LRRC51: variants seen among roughly 807,000 people sequenced by gnomAD.
LRRC51 encodes leucine rich repeat containing 51, also known as leucine-rich repeat-containing protein 51.
Under a neutral mutation model 17.8 loss-of-function variants are expected in LRRC51, and 8 were observed. The observed-to-expected ratio is 0.45, with a 90% CI of 0.26 to 0.81. The LOEUF (loss-of-function observed/expected upper bound fraction) is 0.81. LRRC51 is among the 30% of genes least tolerant of loss of function. The probability of loss-of-function intolerance (pLI) is 0.17; values close to 1 mark genes in which losing one functional copy is unlikely to be tolerated. For synonymous variants in LRRC51, 92 were observed against 96.0 expected (o/e 0.96, Z 0.24); for missense variants, 233 against 239.3 (o/e 0.97, Z 0.17).
chr11:72,096,777 G>A lies in LRRC51; in HGVS notation c.*1257G>A. Reference sequence around the variant, plus strand: ...GGCCTCCATGACAGGCCAAGAAGATGGCCTATGATCTCTGAAACCAGCCCC... The same window carrying A: ...GGCCTCCATGACAGGCCAAGAAGATAGCCTATGATCTCTGAAACCAGCCCC... On this transcript the variant is annotated 3_prime_UTR_variant, in exon 6 of 6. Coordinates refer to ENST00000289488, the MANE Select transcript of LRRC51 (RefSeq NM_145309.6). 6.9e-7 allele frequency: 1 copy of A among 1,455,556 alleles called. No individual in the cohort carries two copies. The highest frequency in any genetic ancestry group is 1.4e-5 in the South Asian group (1 of 70,282). 90.2% of individuals were successfully genotyped at this position (1,455,556 alleles called of 1,614,324 possible).
intron 1 of LRRC51, among the ~76,000 whole-genome samples, chr11:72,084,664 G>A (rs894818659): frequency 6.6e-6 from 1 of 151,718 alleles, no homozygotes; most frequent in East Asian, 1.9e-4. Context: ...TGGCAAAACT[G>A]TGTCTCTACA....
intron 1 of LRRC51, among the ~76,000 whole-genome samples, chr11:72,083,500 A>G (rs575831): frequency 0.93 from 141,076 of 152,204 alleles, 65,627 homozygotes; most frequent in Non-Finnish European, 0.98. Flanking sequence ...CCTTTGTAGT[A>G]TTATTTAGTT....
At chr11:72,084,104 C>G (rs1034407349) in intron 1 of LRRC51, among the ~76,000 whole-genome samples, 16 of 152,240 alleles carry the variant, frequency 1.1e-4, no homozygotes, top group African/African-American at 3.1e-4. Context: ...TTGAGCCATA[C>G]TCCTACCTCA....
rs371868941 is a variant in LRRC51, at chr11:72,095,104, C to T, written c.437+8C>T. 13 of 1,613,134 alleles carry T rather than the reference C, an allele frequency of 8.1e-6. No homozygotes were observed. In the African/African-American group the frequency reaches 1.7e-4, roughly 22 times the overall value. Reference sequence around the variant, plus strand: ...GGAAGAGAAAGGGTATAGGTAAGTGCCCTGCCCCTGGAGGTAGCGTCTAGC... The same window carrying T: ...GGAAGAGAAAGGGTATAGGTAAGTGTCCTGCCCCTGGAGGTAGCGTCTAGC... On this transcript the variant is annotated splice_region_variant and intron_variant, in intron 5 of 5. Transcript: ENST00000289488.
At chr11:72,090,904 G>A (rs1407744549) in intron 3 of LRRC51, among the ~76,000 whole-genome samples, 1 of 152,230 alleles carries the variant, frequency 6.6e-6, no homozygotes, top group East Asian at 1.9e-4. Flanking sequence ...GCCTTTCAGA[G>A]AGAGGAAAAC....
intron 1 of LRRC51, among the ~76,000 whole-genome samples, chr11:72,087,997 T>C (rs1162519358): frequency 6.6e-6 from 1 of 152,198 alleles, no homozygotes; most frequent in Non-Finnish European, 1.5e-5. Context: ...GGTGAAGTAA[T>C]ACAAATAATA....
chr11:72,080,960 AACG>A (rs1409229635), intron 1 of LRRC51, 75 bp downstream of exon 1: 3 of 152,514 alleles, frequency 2.0e-5, no homozygotes, highest in African/African-American at 7.2e-5. Flanking sequence ...GCACTCACAG[AACG>A]ACTAAGAACC....
chr11:72,083,561 A>T (rs1217084719), intron 1 of LRRC51, among the ~76,000 whole-genome samples: 1 of 152,242 alleles, frequency 6.6e-6, no homozygotes, highest in South Asian at 2.1e-4. Flanking sequence ...GCACTATGAG[A>T]TACAACTGTA....
chr11:72,089,159 A>G lies in LRRC51; in HGVS notation c.76A>G (p.Ile26Val). The G allele has an allele frequency of 1.9e-6, 3 of 1,614,154 alleles. No homozygotes were observed. The highest frequency in any genetic ancestry group is 2.5e-6 in the Non-Finnish European group (3 of 1,180,020). The change falls in exon 3 of 6, where the codon ATT becomes GTT. Residue 26 changes from isoleucine to valine, a missense_variant. By Grantham distance (29) the Ile-to-Val change is conservative (BLOSUM62 3). Transcript: ENST00000289488. Reference sequence around the variant, plus strand: ...CTACTCCTTCAGAAGCATCCACGTCATTCAAGGTCAGCCCCCAGAGCACAG... The same window carrying G: ...CTACTCCTTCAGAAGCATCCACGTCGTTCAAGGTCAGCCCCCAGAGCACAG... ...LDYSFRSIHV[I>V]QDLVNEEPRT...
Position 72,094,995 on chromosome 11 carries a change from C to T in LRRC51, c.336C>T (p.Asn112=). 1 of 1,614,066 alleles carries T rather than the reference C, an allele frequency of 6.2e-7. No individual in the cohort carries two copies. Among genetic ancestry groups the T allele is most frequent in the Non-Finnish European group, 8.5e-7 (1 of 1,180,008 alleles). ...FNLSVLYLHG[N]SIQRLGEVNK... is the part of the protein sequence containing the mutation. The stretch of plus-strand genomic sequence containing the variant: ...TGAGTGTCCTCTATCTTCACGGCAA[C>T]AGCATCCAGCGCCTGGGGGAGGTGA... The change falls in exon 5 of 6, where the codon AAC becomes AAT. Residue 112 remains asparagine, a synonymous_variant. Coordinates refer to ENST00000289488, the MANE Select transcript of LRRC51 (RefSeq NM_145309.6).
In LRRC51 at chr11:72,095,488, A is replaced by C. The variant is rs1945139163; in HGVS notation, c.547A>C (p.Lys183Gln). Reference protein sequence around the residue: ...EVWKRMNIKPKKAWTKQNTL With the variant: ...EVWKRMNIKPQKAWTKQNTL ...CTGGAAACGCATGAACATCAAGCCCAAGAAGGCCTGGACCAAGCAGAATAC... is the reference window on the plus strand; with the variant it reads ...CTGGAAACGCATGAACATCAAGCCCCAGAAGGCCTGGACCAAGCAGAATAC... The change falls in exon 6 of 6, where the codon AAG (lysine) becomes CAG (glutamine). Residue 183 changes from lysine to glutamine, a missense_variant. Transcript: ENST00000289488. 5.0e-6 allele frequency: 8 copies of C among 1,614,094 alleles called. No individual in the cohort carries two copies. The highest frequency in any genetic ancestry group is 6.8e-6 in the Non-Finnish European group (8 of 1,180,014).
intron 4 of LRRC51, among the ~76,000 whole-genome samples, chr11:72,094,110 C>A (rs1945020937): frequency 6.6e-6 from 1 of 152,020 alleles, no homozygotes. Context: ...CATGGTGAAA[C>A]CCCGCCTCTA....
chr11:72,082,442 ACAAGT>A lies in LRRC51; in HGVS notation c.-140+1558_-140+1562del, dbSNP rs144754288. Among the ~76,000 whole-genome samples the A allele has an allele frequency of 8.0e-3, 1,214 of 152,302 alleles. 11 individuals carry two copies. Among genetic ancestry groups the A allele is most frequent in the African/African-American group, 0.028 (1,160 of 41,562 alleles). On this transcript the variant is annotated intron_variant, in intron 1 of 5. Coordinates refer to ENST00000289488, the MANE Select transcript of LRRC51 (RefSeq NM_145309.6). ...ATTTTCCACCTGTATGCAAATGTAC[ACAAGT>A]GTGTATCTCAAGCCCAGCCCTCATC...
At chr11:72,088,419 G>A in intron 2 of LRRC51, 39 bp downstream of exon 2, 1 of 702,390 alleles carries the variant, frequency 1.4e-6, no homozygotes, top group Non-Finnish European at 2.6e-6. Flanking sequence ...GTGTGTGTAT[G>A]TTTATATGTG....
intron 1 of LRRC51, among the ~76,000 whole-genome samples, chr11:72,081,177 C>A (rs1303773498): frequency 6.6e-6 from 1 of 152,198 alleles, no homozygotes; most frequent in African/African-American, 2.4e-5. Flanking sequence ...AATCCCAACA[C>A]TGGGAGACCA....
At chr11:72,093,443 C>A in intron 3 of LRRC51, 53 bp from the exon 4 acceptor site, 1 of 1,528,006 alleles carries the variant, frequency 6.5e-7, no homozygotes, top group East Asian at 2.4e-5. Context: ...CCTTCCCACC[C>A]CCTAAAGCCA....
chr11:72,095,791 G>A lies in LRRC51; in HGVS notation c.*271G>A. The A allele has an allele frequency of 4.5e-6, 3 of 669,094 alleles. No individual in the cohort carries two copies. The highest frequency in any genetic ancestry group is 4.5e-6 in the Non-Finnish European group (2 of 446,968). 41.4% of individuals were successfully genotyped at this position (669,094 alleles called of 1,614,324 possible). A position where few individuals can be genotyped will look rare whatever the true frequency, so the allele number is the denominator to read the frequency against. On this transcript the variant is annotated 3_prime_UTR_variant, in exon 6 of 6. Coordinates refer to ENST00000289488, the MANE Select transcript of LRRC51 (RefSeq NM_145309.6). ...AGGTTCAAGAGATTCTCCTGCCTCAGCCTCCCCAGTAGCTGTGATTAAAGG... is the reference window on the plus strand; with the variant it reads ...AGGTTCAAGAGATTCTCCTGCCTCAACCTCCCCAGTAGCTGTGATTAAAGG...
rs1196206204 is a variant in LRRC51, at chr11:72,095,302, G to A, written c.438-77G>A. ...AGTCCCTCCATTCCTTGCAGTCAGG[G>A]AAGACAACAGCAACTAGTGGAGGGG... On this transcript the variant is annotated intron_variant, in intron 5 of 5. Coordinates refer to ENST00000289488, the MANE Select transcript of LRRC51 (RefSeq NM_145309.6). The A allele has an allele frequency of 3.7e-6, 6 of 1,611,604 alleles. No individual in the cohort carries two copies. In the African/African-American group the frequency reaches 4.0e-5, roughly 11 times the overall value.
chr11:72,085,157 C>T (rs1464781276), intron 1 of LRRC51, among the ~76,000 whole-genome samples: 1 of 152,160 alleles, frequency 6.6e-6, no homozygotes, highest in Non-Finnish European at 1.5e-5. Context: ...GATGAAGGTG[C>T]TGGCATCTGA....
Sources: gnomAD v4.1 joint callset for allele counts (sites outside exome capture counted in the v4.1 genomes callset) on GRCh38, gnomAD v4.1.1 for gene constraint, MANE v1.5 for transcripts, NCBI Gene and HGNC (gene_info 2026-07-23, HGNC 2026-07-21) for gene names.